Variants in GMDS observed in about 807,000 individuals in gnomAD.
GMDS encodes GDP-mannose 4,6-dehydratase.
Under a neutral mutation model 49.9 loss-of-function variants are expected in GMDS, and 20 were observed. The observed-to-expected ratio is 0.40, with a 90% CI of 0.28 to 0.58. The LOEUF is 0.58. GMDS is among the 20% of genes least tolerant of loss of function. The pLI is 0.42. For missense variants in GMDS, 362 were observed against 481.4 expected (o/e 0.75, Z 2.32); for synonymous variants, 177 against 178.6 (o/e 0.99, Z 0.07).
rs114001354 is a variant in GMDS at position 1,729,716 on chromosome 6, G to A, written c.891-3204C>T. On this transcript the variant is annotated intron_variant, in intron 8 of 10. Transcript: ENST00000380815. The stretch of plus-strand genomic sequence containing the variant: ...TGGCTTGACAGAGAGGAGAGGATTC[G>A]GTTAATTAACAAGAGTTACTACCCA... Among the ~76,000 whole-genome samples, 1,066 of 152,282 alleles carry A rather than the reference G, an allele frequency of 7.0e-3. 8 individuals carry two copies. Among genetic ancestry groups the A allele is most frequent in the African/African-American group, 0.025 (1,021 of 41,538 alleles).
At chr6:2,046,565 T>C (rs1042359251) in intron 4 of GMDS, among the ~76,000 whole-genome samples, 6 of 152,076 alleles carry the variant, frequency 3.9e-5, no homozygotes, top group African/African-American at 1.4e-4. Flanking sequence ...GCTCAAGTGA[T>C]CCTCCCACCT....
At chr6:1,986,900 A>G (rs1299348804) in intron 4 of GMDS, among the ~76,000 whole-genome samples, 1 of 152,228 alleles carries the variant, frequency 6.6e-6, no homozygotes, top group East Asian at 1.9e-4. Context: ...GGTAAGAAGG[A>G]TGGTAAATAA....
chr6:1,664,928 CT>C (rs1325871638), intron 9 of GMDS, among the ~76,000 whole-genome samples: 1 of 152,192 alleles, frequency 6.6e-6, no homozygotes, highest in Non-Finnish European at 1.5e-5. Flanking sequence ...CAGGATCGCT[CT>C]CACACACCAC....
chr6:1,985,703 G>C (rs1169899721), intron 4 of GMDS, among the ~76,000 whole-genome samples: 2 of 152,122 alleles, frequency 1.3e-5, no homozygotes, highest in African/African-American at 2.4e-5. Context: ...AATACACCTA[G>C]AAAACTCATA....
chr6:1,688,095 T>G (rs879823465), intron 9 of GMDS, among the ~76,000 whole-genome samples: 1 of 152,124 alleles, frequency 6.6e-6, no homozygotes, highest in Non-Finnish European at 1.5e-5. Flanking sequence ...TTAGCGGGGC[T>G]TGGGAGGCTG....
chr6:1,896,717 A>C (rs1332909858), intron 7 of GMDS, among the ~76,000 whole-genome samples: 1 of 152,218 alleles, frequency 6.6e-6, no homozygotes, highest in Non-Finnish European at 1.5e-5. Context: ...AAAGGAATAC[A>C]TGGGCAGGAT....
chr6:1,996,445 T>C (rs890103564), intron 4 of GMDS, among the ~76,000 whole-genome samples: 1 of 152,336 alleles, frequency 6.6e-6, no homozygotes, highest in Non-Finnish European at 1.5e-5. Flanking sequence ...ACTAAGCTCA[T>C]GTAACAGTGA....
intron 6 of GMDS, among the ~76,000 whole-genome samples, chr6:1,944,543 G>A (rs1337080973): frequency 2.6e-5 from 4 of 151,758 alleles, no homozygotes; most frequent in East Asian, 3.9e-4. Context: ...GGTGGCGGGC[G>A]CCTGTAGTCC....
At chr6:1,852,835 T>C (rs1316193921) in intron 7 of GMDS, among the ~76,000 whole-genome samples, 2 of 151,676 alleles carry the variant, frequency 1.3e-5, no homozygotes, top group Non-Finnish European at 2.9e-5. Context: ...GCCTCCTGAG[T>C]AGCTGGGATT....
At chr6:2,052,699 T>C (rs933779849) in intron 4 of GMDS, among the ~76,000 whole-genome samples, 1 of 152,206 alleles carries the variant, frequency 6.6e-6, no homozygotes, top group African/African-American at 2.4e-5. Flanking sequence ...TTGTAAGAAT[T>C]CTCTTCCCCC....
chr6:1,752,200 T>A (rs1307519456), intron 7 of GMDS, among the ~76,000 whole-genome samples: 8 of 152,122 alleles, frequency 5.3e-5, no homozygotes, highest in Admixed American at 5.2e-4. Flanking sequence ...AATGACCTGA[T>A]GGAGCTGAAA....
chr6:1,787,750 A>C (rs1053324605), intron 7 of GMDS, among the ~76,000 whole-genome samples: 1 of 152,220 alleles, frequency 6.6e-6, no homozygotes, highest in Non-Finnish European at 1.5e-5. Context: ...CAATTTCATA[A>C]GCTGCCTGAA....
chr6:1,958,863 C>T (rs900335372), intron 6 of GMDS, among the ~76,000 whole-genome samples: 3 of 152,182 alleles, frequency 2.0e-5, no homozygotes, highest in African/African-American at 7.2e-5. Flanking sequence ...ATAATTTTTA[C>T]TTTGTAAAGC....
chr6:1,823,467 A>G (rs1490518787), intron 7 of GMDS, among the ~76,000 whole-genome samples: 1 of 152,206 alleles, frequency 6.6e-6, no homozygotes. Context: ...ATGTTCTTAC[A>G]CAGCTGAGCA....
At chr6:2,176,029 C>T (rs780520387) in intron 1 of GMDS, 268 of 1,528,662 alleles carry the variant, frequency 1.8e-4, no homozygotes, top group Non-Finnish European at 2.3e-4. Context: ...AGCACAGATG[C>T]TTTACTGTCA....
At chr6:1,655,143 T>C (rs1029427102) in intron 9 of GMDS, among the ~76,000 whole-genome samples, 1 of 152,102 alleles carries the variant, frequency 6.6e-6, no homozygotes, top group Non-Finnish European at 1.5e-5. Flanking sequence ...CTCTCATTTT[T>C]CTTTTCAAAA....
At chr6:2,221,742 G>C (rs188141916) in intron 1 of GMDS, among the ~76,000 whole-genome samples, 44 of 152,226 alleles carry the variant, frequency 2.9e-4, no homozygotes, top group African/African-American at 9.9e-4. Context: ...ATGAGTAAAT[G>C]AATTAATGAG....
intron 4 of GMDS, among the ~76,000 whole-genome samples, chr6:1,966,782 T>G (rs1764283029): frequency 6.6e-6 from 1 of 152,192 alleles, no homozygotes; most frequent in Non-Finnish European, 1.5e-5. Flanking sequence ...GGCCCCTCCC[T>G]GTCTGTAAAT....
At chr6:1,633,685 G>A (rs942192631) in intron 9 of GMDS, among the ~76,000 whole-genome samples, 1 of 152,170 alleles carries the variant, frequency 6.6e-6, no homozygotes, top group East Asian at 1.9e-4. Context: ...AGGTAAAAAG[G>A]CCTTAAGGGA....
Sources: gnomAD v4.1 joint callset for allele counts (sites outside exome capture counted in the v4.1 genomes callset) on GRCh38, gnomAD v4.1.1 for gene constraint, MANE v1.5 for transcripts, NCBI Gene and HGNC (gene_info 2026-07-23, HGNC 2026-07-21) for gene names.